The following LMTK2 variants were observed in gnomAD, a reference collection of about 807,000 sequenced individuals.
LMTK2 encodes the protein lemur tail kinase 2, also known as serine/threonine-protein kinase LMTK2.
Under a neutral mutation model 127.5 loss-of-function variants are expected in LMTK2, and 37 were observed. That is an observed-to-expected ratio of 0.29 (90% confidence interval 0.22 to 0.38). The LOEUF (loss-of-function observed/expected upper bound fraction) is 0.38, where lower values mean the gene tolerates loss of function less well. LMTK2 is among the 10% of genes least tolerant of loss of function. LMTK2 has a pLI of 1.00. For synonymous variants in LMTK2, 819 were observed against 810.1 expected, an observed-to-expected ratio of 1.01 and a Z score of -0.19; for missense variants, 1,694 against 1,920.3, an observed-to-expected ratio of 0.88 and a Z score of 2.20.
intron 3 of LMTK2, among the ~76,000 whole-genome samples, chr7:98,151,163 A>T (rs1796847341): frequency 6.6e-6 from 1 of 152,224 alleles, no homozygotes; most frequent in South Asian, 2.1e-4. Context: ...AAAAAAAACA[A>T]TGCGCAAGGT....
At chr7:98,159,847 G>A (rs920429534) in intron 6 of LMTK2, among the ~76,000 whole-genome samples, 11 of 152,114 alleles carry the variant, frequency 7.2e-5, no homozygotes, top group East Asian at 3.8e-4. Context: ...CCCAAGAATC[G>A]CTTTACCTAG....
rs1584307199 is a variant in LMTK2 at position 98,208,014 on chromosome 7, G to A, written c.*2522G>A. ...TAGTCCCAGCTGCTTGGGAGGCTGA[G>A]GTGGGAGGATGGCTAGAGCCCAGGA... On this transcript the variant is annotated 3_prime_UTR_variant, in exon 14 of 14. Coordinates refer to ENST00000297293, the MANE Select transcript of LMTK2 (RefSeq NM_014916.4). The A allele has an allele frequency of 1.3e-5, 2 of 152,082 alleles. No individual in the cohort carries two copies. Among genetic ancestry groups the A allele is most frequent in the East Asian group, 3.9e-4 (2 of 5,172 alleles). 9.4% of individuals were successfully genotyped at this position (152,082 alleles called of 1,614,324 possible).
At chr7:98,145,097 G>A (rs1047367088) in intron 3 of LMTK2, among the ~76,000 whole-genome samples, 5 of 152,112 alleles carry the variant, frequency 3.3e-5, no homozygotes, top group African/African-American at 1.2e-4. Context: ...CTCTGCAGGA[G>A]TCGACCAATT....
intron 7 of LMTK2, among the ~76,000 whole-genome samples, chr7:98,183,034 A>G (rs535536247): frequency 1.8e-4 from 28 of 152,326 alleles, no homozygotes; most frequent in Non-Finnish European, 4.0e-4. Context: ...ATAAGACACC[A>G]TATTCCAGCC....
chr7:98,187,735 C>T (rs1015746061), intron 9 of LMTK2, among the ~76,000 whole-genome samples: 14 of 151,806 alleles, frequency 9.2e-5, no homozygotes, highest in Admixed American at 2.0e-4. Flanking sequence ...CTCAGCCTCC[C>T]GAGTAATTGG....
chr7:98,203,722 G>A lies in LMTK2; in HGVS notation c.4240+16G>A, dbSNP rs1407003895. Reference sequence around the variant, plus strand: ...GACGAAGAAGGTATTTCACGTCATTGTCTAGTTTTAAAGGAAACTGAAAAA... The same window carrying A: ...GACGAAGAAGGTATTTCACGTCATTATCTAGTTTTAAAGGAAACTGAAAAA... On this transcript the variant is annotated intron_variant, in intron 12 of 13. Coordinates refer to ENST00000297293, the MANE Select transcript of LMTK2 (RefSeq NM_014916.4). 3.7e-6 allele frequency: 6 copies of A among 1,612,206 alleles called. No individual in the cohort carries two copies. The highest frequency in any genetic ancestry group is 1.7e-4 in the Middle Eastern group (1 of 6,060).
At chr7:98,167,410 G>A (rs1485043526) in intron 6 of LMTK2, among the ~76,000 whole-genome samples, 1 of 152,200 alleles carries the variant, frequency 6.6e-6, no homozygotes, top group East Asian at 1.9e-4. Flanking sequence ...GACTGGCTTT[G>A]GCTGCTCAGG....
rs977989908 is a variant in LMTK2 at position 98,120,983 on chromosome 7, G to A, written c.103+13703G>A. Among the ~76,000 whole-genome samples, 5 of 152,136 alleles carry A rather than the reference G, an allele frequency of 3.3e-5. No homozygotes were observed. The South Asian group carries it at 6.2e-4, about 19-fold the overall frequency. On this transcript the variant is annotated intron_variant, in intron 1 of 13. Coordinates refer to ENST00000297293, the MANE Select transcript of LMTK2 (RefSeq NM_014916.4). ...AAAGAGCTGATCACCAACATTAACC[G>A]TATAGGCACCCGGTAGACTTAGAAA...
chr7:98,167,974 G>A (rs1797127985), intron 6 of LMTK2, among the ~76,000 whole-genome samples: 1 of 152,208 alleles, frequency 6.6e-6, no homozygotes, highest in Non-Finnish European at 1.5e-5. Context: ...CATTAATGCT[G>A]GTGAGATGAG....
At chr7:98,119,333 A>G (rs1212318698) in intron 1 of LMTK2, among the ~76,000 whole-genome samples, 2 of 152,174 alleles carry the variant, frequency 1.3e-5, no homozygotes, top group African/African-American at 2.4e-5. Flanking sequence ...GGAGGAAAAC[A>G]TTCCATTTGA....
intron 11 of LMTK2, among the ~76,000 whole-genome samples, chr7:98,196,702 T>C (rs1797627301): frequency 6.6e-6 from 1 of 152,198 alleles, no homozygotes; most frequent in African/African-American, 2.4e-5. Context: ...ATGTTATGTT[T>C]TTCTGACTTT....
intron 8 of LMTK2, among the ~76,000 whole-genome samples, chr7:98,186,166 C>A (rs1001028572): frequency 6.6e-6 from 1 of 151,732 alleles, no homozygotes; most frequent in Non-Finnish European, 1.5e-5. Context: ...CGGGTTCAAG[C>A]GATTCTCCTG....
At chr7:98,153,798 C>T (rs147507530) in intron 4 of LMTK2, among the ~76,000 whole-genome samples, 14 of 151,716 alleles carry the variant, frequency 9.2e-5, no homozygotes, top group Admixed American at 1.3e-4. Context: ...CCCAGGAGTT[C>T]GAGGCTGCAG....
chr7:98,137,579 C>G, intron 2 of LMTK2, 137 bp downstream of exon 2: 1 of 713,862 alleles, frequency 1.4e-6, no homozygotes, highest in Non-Finnish European at 2.2e-6. Flanking sequence ...TAAATATTTT[C>G]TACCTTAGTG....
intron 3 of LMTK2, among the ~76,000 whole-genome samples, chr7:98,151,016 CTTTTTAAAAATTA>C (rs895778738): frequency 1.3e-4 from 20 of 152,028 alleles, no homozygotes; most frequent in African/African-American, 4.8e-4. Context: ...TTCAGTAAAA[CTTTTTAAAAATTA>C]AGGAGAGTAG....
intron 3 of LMTK2, among the ~76,000 whole-genome samples, chr7:98,144,432 C>CA (rs1194912166): frequency 1.4e-3 from 156 of 112,950 alleles, no homozygotes; most frequent in East Asian, 1.9e-3. Context: ...GACTCTGTCT[C>CA]AAAAAAAAAA....
chr7:98,180,567 A>C (rs530999182), intron 7 of LMTK2, among the ~76,000 whole-genome samples: 1 of 152,196 alleles, frequency 6.6e-6, no homozygotes, highest in Admixed American at 6.5e-5. Flanking sequence ...AATAAATTCT[A>C]TAATTGTTCT....
At chr7:98,188,578 A>T (rs540687881) in intron 9 of LMTK2, among the ~76,000 whole-genome samples, 2 of 152,184 alleles carry the variant, frequency 1.3e-5, no homozygotes, top group African/African-American at 4.8e-5. Context: ...GATTATAGTC[A>T]TGAGCCATCG....
chr7:98,133,604 C>T (rs1796555864), intron 1 of LMTK2, among the ~76,000 whole-genome samples: 2 of 151,752 alleles, frequency 1.3e-5, no homozygotes, highest in South Asian at 4.2e-4. Context: ...CTTGAAGCTA[C>T]CTAGTCAATT....
Sources: gnomAD v4.1 joint callset for allele counts (sites outside exome capture counted in the v4.1 genomes callset) on GRCh38, gnomAD v4.1.1 for gene constraint, MANE v1.5 for transcripts, NCBI Gene and HGNC (gene_info 2026-07-23, HGNC 2026-07-21) for gene names.